The following ZNF436 variants were observed in gnomAD, a reference collection of about 807,000 sequenced individuals.
ZNF436 encodes DNA-binding protein.
In ZNF436, 22 loss-of-function variants were observed where a neutral mutation model predicts 41.9. The ratio of observed to expected loss-of-function variants is 0.53; its 90% CI spans 0.38 to 0.75. The LOEUF (loss-of-function observed/expected upper bound fraction) is 0.75, where lower values mean the gene tolerates loss of function less well. ZNF436 is among the 30% of genes least tolerant of loss of function. The probability of loss-of-function intolerance (pLI) is 0.00; values close to 1 mark genes in which losing one functional copy is unlikely to be tolerated. For synonymous variants in ZNF436, 217 were observed against 197.8 expected (o/e 1.10, Z -0.82); for missense variants, 506 against 587.3 (o/e 0.86, Z 1.43).
At position 23,361,735 on chromosome 1, in the gene ZNF436, G is replaced by T; in HGVS notation, c.*234C>A. On this transcript the variant is annotated 3_prime_UTR_variant, in exon 4 of 4. Coordinates refer to ENST00000314011, the MANE Select transcript of ZNF436 (RefSeq NM_001077195.2). ...GTCTTCAGATTTCCAGTTACTTGTGGGGCTGCTTTTAATGAAGTAACCCAT... is the reference window on the plus strand; with the variant it reads ...GTCTTCAGATTTCCAGTTACTTGTGTGGCTGCTTTTAATGAAGTAACCCAT... 2.4e-6 allele frequency: 1 copy of T among 415,004 alleles called. No individual in the cohort carries two copies. 25.7% of individuals were successfully genotyped at this position (415,004 alleles called of 1,614,324 possible). A position where few individuals can be genotyped will look rare whatever the true frequency, so the allele number is the denominator to read the frequency against.
Position 23,362,144 on chromosome 1 carries a change from G to T in ZNF436, c.1238C>A (p.Thr413Lys), listed in dbSNP as rs756643040. 3.1e-6 allele frequency: 5 copies of T among 1,614,026 alleles called. No homozygotes were observed. Among genetic ancestry groups the T allele is most frequent in the Admixed American group, 1.7e-5 (1 of 59,994 alleles). ...SDLIKHQRTHTGEKPYECVQC... is the reference protein window; with the variant it reads ...SDLIKHQRTHKGEKPYECVQC... ...CACACACTCGTAGGGCTTCTCCCCT[G>T]TGTGGGTTCTCTGATGTTTAATTAG... The change falls in exon 4 of 4, where the codon ACA becomes AAA. Residue 413 changes from threonine to lysine, a missense_variant. Physicochemically the swap from Thr to Lys is moderately conservative, Grantham distance 78. This residue lies in a region of ZNF436 where 278 missense variants were observed against 372.1 expected (regional missense o/e 0.75). Coordinates refer to ENST00000314011, the MANE Select transcript of ZNF436 (RefSeq NM_001077195.2).
At position 23,362,953 on chromosome 1, in the gene ZNF436, A is replaced by G. The variant is rs769559830; in HGVS notation, c.429T>C (p.Cys143=). The G allele has an allele frequency of 6.2e-7, 1 of 1,614,118 alleles. No individual in the cohort carries two copies. Among genetic ancestry groups the G allele is most frequent in the Non-Finnish European group, 8.5e-7 (1 of 1,180,048 alleles). Residue 143 remains cysteine, a synonymous_variant, in exon 4 of 4, where the codon TGT becomes TGC. Transcript: ENST00000314011. The stretch of plus-strand genomic sequence containing the variant: ...CTGAGATCTGACTGAAGGCCTTTCC[A>G]CAATGAGAACATATATGATAGCGGA... ...TGIRYHICSH[C]GKAFSQISDL...
chr1:23,362,415 G>A lies in ZNF436; in HGVS notation c.967C>T (p.Arg323Cys), dbSNP rs1418040850. 4 of 1,612,764 alleles carry A rather than the reference G, an allele frequency of 2.5e-6. No homozygotes were observed. The highest frequency in any genetic ancestry group is 2.7e-5 in the African/African-American group (2 of 74,492). ...KNFSQNSDLVRHRRAHTGEKP... is the reference protein window; with the variant it reads ...KNFSQNSDLVCHRRAHTGEKP... ...TCTCCCGTGTGGGCTCTGCGATGACGCACAAGGTCGGAGTTCTGACTGAAA... is the reference window on the plus strand; with the variant it reads ...TCTCCCGTGTGGGCTCTGCGATGACACACAAGGTCGGAGTTCTGACTGAAA... Residue 323 changes from arginine to cysteine, a missense_variant, in exon 4 of 4, where the codon CGT (arginine) becomes TGT (cysteine). Transcript: ENST00000314011.
At position 23,362,511 on chromosome 1, in the gene ZNF436, A is replaced by G; in HGVS notation, c.871T>C (p.Ser291Pro). 2 of 1,613,926 alleles carry G rather than the reference A, an allele frequency of 1.2e-6. No individual in the cohort carries two copies. The highest frequency in any genetic ancestry group is 1.7e-6 in the Non-Finnish European group (2 of 1,180,002). The change falls in exon 4 of 4, where the codon TCT becomes CCT. Residue 291 changes from serine to proline, a missense_variant. Coordinates refer to ENST00000314011, the MANE Select transcript of ZNF436 (RefSeq NM_001077195.2). The part of the protein sequence containing the change: ...NECGRGFSER[S>P]DLIKHYRVHT... ...ACTCGATAGTGTTTGATGAGATCAG[A>G]TCTCTCACTGAAGCCTCGGCCACAT...
At position 23,363,180 on chromosome 1, in the gene ZNF436, C is replaced by A. The variant is rs768466104; in HGVS notation, c.202G>T (p.Glu68Ter). Residue 68 changes from glutamate to a stop codon, truncating the protein, a stop_gained, in exon 4 of 4, where the codon GAG (glutamate) becomes TAG (stop). Transcript: ENST00000314011. LOFTEE classifies it high-confidence loss of function. ...RSENEVNPKQ[E>*]ISEDVQFGTT... The stretch of plus-strand genomic sequence containing the variant: ...CCAAATTGTACATCTTCACTAATCT[C>A]TTGCTTGGGATTTACCTCGTTCTCA... The A allele has an allele frequency of 2.5e-6, 4 of 1,613,724 alleles. No homozygotes were observed. The highest frequency in any genetic ancestry group is 3.4e-6 in the Non-Finnish European group (4 of 1,180,032).
At chr1:23,367,504 C>T (rs74604196) in intron 2 of ZNF436, among the ~76,000 whole-genome samples, 3 of 152,278 alleles carry the variant, frequency 2.0e-5, no homozygotes, top group East Asian at 1.9e-4. Flanking sequence ...AATTCTACTA[C>T]TCTTTAAGGT....
intron 3 of ZNF436, among the ~76,000 whole-genome samples, chr1:23,365,313 G>A (rs574708411): frequency 7.7e-4 from 116 of 151,518 alleles, no homozygotes; most frequent in African/African-American, 2.3e-3. Context: ...GGAGAATGGC[G>A]TGAACCTGGG....
intron 2 of ZNF436, 27 bp downstream of exon 2, chr1:23,367,946 A>C: frequency 6.2e-7 from 1 of 1,613,552 alleles, no homozygotes; most frequent in South Asian, 1.1e-5. Flanking sequence ...AGCAGAGACA[A>C]GGTCTGAGAA....
chr1:23,369,118 G>A (rs1444255030), intron 1 of ZNF436: 1 of 284,350 alleles, frequency 3.5e-6, no homozygotes, highest in East Asian at 1.0e-4. Flanking sequence ...CGAAAACCCT[G>A]GGGGACTCAG....
rs991629911 is a variant in ZNF436, at chr1:23,369,396, T to C, written c.-91A>G. 1 of 534,692 alleles carries C rather than the reference T, an allele frequency of 1.9e-6. No homozygotes were observed. Among genetic ancestry groups the C allele is most frequent in the Non-Finnish European group, 3.8e-6 (1 of 260,040 alleles). The allele number at this position is 534,692 out of a possible 1,614,324, so 33.1% of individuals were successfully genotyped here. A position where few individuals can be genotyped will look rare whatever the true frequency, so the allele number is the denominator to read the frequency against. ...GTCCCGCAAAAGATCCACTAGATCG[T>C]CGTCTCCAAAACCTGAGAGACCGCG... is the stretch of plus-strand genomic sequence containing the variant. On this transcript the variant is annotated 5_prime_UTR_variant, in exon 1 of 4. Transcript: ENST00000314011.
Position 23,362,899 on chromosome 1 carries a change from A to G in ZNF436, c.483T>C (p.Thr161=). Residue 161 remains threonine, a synonymous_variant, in exon 4 of 4, where the codon ACT becomes ACC. Coordinates refer to ENST00000314011, the MANE Select transcript of ZNF436 (RefSeq NM_001077195.2). ...SDLNRHQKTH[T]GDRPYKCYEC... ...CATAACATTTATAGGGTCTGTCTCC[A>G]GTGTGGGTCTTCTGATGTCGATTAA... 1.2e-6 allele frequency: 2 copies of G among 1,614,220 alleles called. No individual in the cohort carries two copies. Among genetic ancestry groups the G allele is most frequent in the Non-Finnish European group, 1.7e-6 (2 of 1,180,038 alleles).
chr1:23,361,903 C>G lies in ZNF436; in HGVS notation c.*66G>C. 2 of 1,478,552 alleles carry G rather than the reference C, an allele frequency of 1.4e-6. No homozygotes were observed. The highest frequency in any genetic ancestry group is 1.8e-6 in the Non-Finnish European group (2 of 1,102,384). 91.6% of individuals were successfully genotyped at this position (1,478,552 alleles called of 1,614,324 possible). Reference sequence around the variant, plus strand: ...GATAAAAGCAGCTCAGTCTTGAGGGCGTTCATTGATATCAAATAAAATTGT... The same window carrying G: ...GATAAAAGCAGCTCAGTCTTGAGGGGGTTCATTGATATCAAATAAAATTGT... On this transcript the variant is annotated 3_prime_UTR_variant, in exon 4 of 4. Transcript: ENST00000314011.
At chr1:23,364,907 TC>T in intron 3 of ZNF436, among the ~76,000 whole-genome samples, 1 of 152,276 alleles carries the variant, frequency 6.6e-6, no homozygotes, top group South Asian at 2.1e-4. Context: ...ATCATTTCCT[TC>T]AAAATTCACA....
chr1:23,364,957 G>A (rs1230116712), intron 3 of ZNF436, among the ~76,000 whole-genome samples: 1 of 152,126 alleles, frequency 6.6e-6, no homozygotes, highest in Non-Finnish European at 1.5e-5. Context: ...GGAATCCTGA[G>A]GTAAAAAGGC....
chr1:23,367,868 G>A, intron 2 of ZNF436, 105 bp downstream of exon 2: 2 of 1,339,828 alleles, frequency 1.5e-6, no homozygotes. Flanking sequence ...CGAAGCCAGC[G>A]AATTACTAAT....
In ZNF436 at chr1:23,369,481, C is replaced by CA. The variant is rs763926108; in HGVS notation, c.-177dup. 2 of 532,152 alleles carry CA rather than the reference C, an allele frequency of 3.8e-6. No individual in the cohort carries two copies. The highest frequency in any genetic ancestry group is 3.9e-5 in the African/African-American group (2 of 51,940). 33.0% of individuals were successfully genotyped at this position (532,152 alleles called of 1,614,324 possible). On this transcript the variant is annotated 5_prime_UTR_variant, in exon 1 of 4. The change abolishes the stop of an existing upstream ORF in the 5' untranslated region. Coordinates refer to ENST00000314011, the MANE Select transcript of ZNF436 (RefSeq NM_001077195.2). ...TGGCGTTCAGGAAGATTCTAGAGAG[C>CA]ACGGGCAGGTCCCGGAGGTCTCAGA...
Position 23,363,012 on chromosome 1 carries a change from C to T in ZNF436, c.370G>A (p.Asp124Asn). The T allele has an allele frequency of 6.2e-7, 1 of 1,614,176 alleles. No homozygotes were observed. The highest frequency in any genetic ancestry group is 1.3e-5 in the African/African-American group (1 of 75,022). The change falls in exon 4 of 4, where the codon GAT (aspartate) becomes AAT (asparagine). Residue 124 changes from aspartate to asparagine, a missense_variant. Transcript: ENST00000314011. ...TGGACTTCTTTGTGGACAAGTAGAT[C>T]AGTGACTGGTTGGAGAGGATAGCTT... is the stretch of plus-strand genomic sequence containing the variant. ...WVSYPLQPVT[D>N]LLVHKEVHTG... is the part of the protein sequence containing the mutation.
In ZNF436 at chr1:23,360,027, G is replaced by A. The variant is rs1646983604; in HGVS notation, c.*1942C>T. 1 of 152,460 alleles carries A rather than the reference G, an allele frequency of 6.6e-6. No homozygotes were observed. The highest frequency in any genetic ancestry group is 1.5e-5 in the Non-Finnish European group (1 of 68,024). 9.4% of individuals were successfully genotyped at this position (152,460 alleles called of 1,614,324 possible). ...ACCATCAGCAACATATATGAGAAAAGACATATTTGAGTTTAGTTACCAAGA... is the reference window on the plus strand; with the variant it reads ...ACCATCAGCAACATATATGAGAAAAAACATATTTGAGTTTAGTTACCAAGA... On this transcript the variant is annotated 3_prime_UTR_variant, in exon 4 of 4. Coordinates refer to ENST00000314011, the MANE Select transcript of ZNF436 (RefSeq NM_001077195.2).
intron 2 of ZNF436, among the ~76,000 whole-genome samples, chr1:23,367,685 A>G (rs181087392): frequency 6.6e-6 from 1 of 152,316 alleles, no homozygotes; most frequent in Admixed American, 6.5e-5. Flanking sequence ...GCCACGCTTA[A>G]GTGGATGCGC....
Sources: gnomAD v4.1 joint callset for allele counts (sites outside exome capture counted in the v4.1 genomes callset) on GRCh38, gnomAD v4.1.1 for gene constraint, gnomAD v4.1.1 regional missense constraint, MANE v1.5 for transcripts, NCBI Gene and HGNC (gene_info 2026-07-23, HGNC 2026-07-21) for gene names.